The following SAP130 variants were observed in gnomAD, a reference collection of about 807,000 sequenced individuals.
SAP130 encodes histone deacetylase complex subunit SAP130.
A neutral mutation model predicts 103.2 loss-of-function variants in SAP130; 16 were observed. That is an observed-to-expected ratio of 0.16 (90% CI 0.10 to 0.24). The LOEUF is 0.24. SAP130 is among the 10% of genes least tolerant of loss of function. The pLI, the probability that SAP130 is intolerant of heterozygous loss-of-function variation, is 1.00. For synonymous variants in SAP130, 477 were observed against 497.0 expected, an observed-to-expected ratio of 0.96 and a Z score of 0.53; for missense variants, 990 against 1,359.7, an observed-to-expected ratio of 0.73 and a Z score of 4.28.
intron 15 of SAP130, 46 bp downstream of exon 15, chr2:127,977,939 G>A (rs768496075): frequency 1.5e-6 from 2 of 1,363,372 alleles, no homozygotes; most frequent in Middle Eastern, 1.8e-4. Context: ...CAACTGCAAC[G>A]ATGTGTGGGT....
Position 128,015,695 on chromosome 2 carries a change from A to G in SAP130, c.507+694T>C, listed in dbSNP as rs1302882114. On this transcript the variant is annotated intron_variant, in intron 4 of 20. Coordinates refer to ENST00000643581, the MANE Select transcript of SAP130 (RefSeq NM_001330301.2). ...GGTGGCTCATGCCTGTAATCCCAGC[A>G]CTTTGGGAGGCCGAGGCGGGCAGAT... Among the ~76,000 whole-genome samples, 4 of 152,178 alleles carry G rather than the reference A, an allele frequency of 2.6e-5. No individual in the cohort carries two copies. In the South Asian group the frequency reaches 6.2e-4, roughly 24 times the overall value.
intron 7 of SAP130, among the ~76,000 whole-genome samples, chr2:128,005,408 GGAGTTC>G: frequency 1.3e-5 from 2 of 152,072 alleles, no homozygotes; most frequent in Non-Finnish European, 2.9e-5. Flanking sequence ...CCTGAGGTCA[GGAGTTC>G]GAGACCAGCC....
intron 7 of SAP130, 142 bp from the exon 8 acceptor site, chr2:128,000,596 G>T: frequency 2.3e-6 from 2 of 864,310 alleles, no homozygotes; most frequent in Non-Finnish European, 3.5e-6. Context: ...ACACCAATGT[G>T]GCAAAAGGTG....
intron 15 of SAP130, among the ~76,000 whole-genome samples, chr2:127,967,470 G>C (rs1021693005): frequency 6.6e-6 from 1 of 152,248 alleles, no homozygotes; most frequent in Non-Finnish European, 1.5e-5. Context: ...CGCAGTCTCA[G>C]CTCATGGCAA....
intron 19 of SAP130, among the ~76,000 whole-genome samples, chr2:127,943,708 C>T (rs764930406): frequency 1.3e-5 from 2 of 152,150 alleles, no homozygotes; most frequent in Non-Finnish European, 2.9e-5. Context: ...ATGCAGTCTA[C>T]CAGGACTGTT....
chr2:127,941,976 T>A lies in SAP130; in HGVS notation c.*30A>T. On this transcript the variant is annotated 3_prime_UTR_variant, in exon 21 of 21. Coordinates refer to ENST00000643581, the MANE Select transcript of SAP130 (RefSeq NM_001330301.2). ...CACCCCCACCATCATTCTTCATAAA[T>A]TTGCTTCCAATCTCCTGATTGTTCT... The A allele has an allele frequency of 2.2e-6, 2 of 900,416 alleles. No individual in the cohort carries two copies. Among genetic ancestry groups the A allele is most frequent in the Non-Finnish European group, 1.5e-6 (1 of 678,618 alleles). The allele number at this position is 900,416 out of a possible 1,614,324, so 55.8% of individuals were successfully genotyped here.
At chr2:127,962,589 G>T (rs1488782228) in intron 15 of SAP130, among the ~76,000 whole-genome samples, 2 of 152,132 alleles carry the variant, frequency 1.3e-5, no homozygotes, top group Non-Finnish European at 2.9e-5. Context: ...GGACATGGAT[G>T]AAACTGGAAA....
At chr2:127,949,799 T>C in intron 18 of SAP130, 70 bp downstream of exon 18, 1 of 1,510,480 alleles carries the variant, frequency 6.6e-7, no homozygotes, top group Non-Finnish European at 9.0e-7. Context: ...GGTTCTGTTT[T>C]TCTCTTCTAT....
At position 127,942,253 on chromosome 2, in the gene SAP130, T is replaced by C; in HGVS notation, c.3016-89A>G. 1.5e-6 allele frequency: 2 copies of C among 1,313,422 alleles called. No individual in the cohort carries two copies. Among genetic ancestry groups the C allele is most frequent in the South Asian group, 2.8e-5 (2 of 71,664 alleles). The allele number at this position is 1,313,422 out of a possible 1,614,324, so 81.4% of individuals were successfully genotyped here. On this transcript the variant is annotated intron_variant, in intron 20 of 20. Coordinates refer to ENST00000643581, the MANE Select transcript of SAP130 (RefSeq NM_001330301.2). The surrounding 1 kb of genome is among the most constrained non-coding windows in gnomAD (Gnocchi z 4.8). ...TGCTTGCCTTTGGGCAGAGGCCATGTTGAGGCTTCCACAACAGAGAAAATG... is the reference window on the plus strand; with the variant it reads ...TGCTTGCCTTTGGGCAGAGGCCATGCTGAGGCTTCCACAACAGAGAAAATG...
At position 127,950,359 on chromosome 2, in the gene SAP130, C is replaced by T; in HGVS notation, c.2472G>A (p.Leu824=). 6.2e-7 allele frequency: 1 copy of T among 1,614,192 alleles called. No individual in the cohort carries two copies. Among genetic ancestry groups the T allele is most frequent in the Non-Finnish European group, 8.5e-7 (1 of 1,180,026 alleles). ...TTGTAGGCATGGACAAGTTGTTTGC[C>T]AGCAATGCAAGAGATGGAGACACAG... is the stretch of plus-strand genomic sequence containing the variant. ...TNTVSPSLAL[L]ANNLSMPTSD... Residue 824 remains leucine, a synonymous_variant, in exon 17 of 21, where the codon CTG becomes CTA. Transcript: ENST00000643581.
chr2:128,000,218 C>A (rs1683456376), intron 8 of SAP130, 72 bp from the exon 9 acceptor site: 2 of 1,607,176 alleles, frequency 1.2e-6, no homozygotes, highest in Non-Finnish European at 1.7e-6. Context: ...CAATCAATGC[C>A]TTCGGTATCA....
Position 127,955,410 on chromosome 2 carries a change from A to C in SAP130, c.2064-66T>G. 2.7e-5 allele frequency: 26 copies of C among 959,354 alleles called. No homozygotes were observed. Among genetic ancestry groups the C allele is most frequent in the Non-Finnish European group, 3.8e-5 (24 of 627,824 alleles). 59.4% of individuals were successfully genotyped at this position (959,354 alleles called of 1,614,324 possible). A position where few individuals can be genotyped will look rare whatever the true frequency, so the allele number is the denominator to read the frequency against. On this transcript the variant is annotated intron_variant, in intron 15 of 20. Coordinates refer to ENST00000643581, the MANE Select transcript of SAP130 (RefSeq NM_001330301.2). The surrounding 1 kb of genome is among the most constrained non-coding windows in gnomAD (Gnocchi z 4.9). ...AAACTGCCTTCATCTACAACATCTC[A>C]GAGGATGAGTATTTGTCCAATTATT...
At chr2:127,944,470 C>T (rs372218032) in intron 19 of SAP130, among the ~76,000 whole-genome samples, 13 of 151,792 alleles carry the variant, frequency 8.6e-5, no homozygotes, top group African/African-American at 3.1e-4. Context: ...TGCTCTTTCG[C>T]CCAGGCTTGA....
intron 15 of SAP130, among the ~76,000 whole-genome samples, chr2:127,974,500 C>T (rs1049866806): frequency 7.9e-5 from 12 of 152,114 alleles, no homozygotes; most frequent in Admixed American, 2.6e-4. Context: ...GGACCATACA[C>T]ATGACAGTGG....
intron 14 of SAP130, among the ~76,000 whole-genome samples, chr2:127,980,936 T>C (rs1681823656): frequency 6.6e-6 from 1 of 151,688 alleles, no homozygotes. Context: ...ATAATGCAGA[T>C]GAATTACATA....
chr2:127,968,407 G>A (rs1272355750), intron 15 of SAP130, among the ~76,000 whole-genome samples: 2 of 149,786 alleles, frequency 1.3e-5, no homozygotes, highest in African/African-American at 4.9e-5. Context: ...CACCATGCCC[G>A]GAGTTGGTTT....
intron 1 of SAP130, 115 bp downstream of exon 1, chr2:128,027,825 A>G: frequency 7.4e-6 from 5 of 677,800 alleles, no homozygotes; most frequent in Non-Finnish European, 9.1e-6. Flanking sequence ...GCAGGAGACG[A>G]GGATCCTCTG....
At chr2:127,959,289 A>C (rs1282976959) in intron 15 of SAP130, among the ~76,000 whole-genome samples, 1 of 152,180 alleles carries the variant, frequency 6.6e-6, no homozygotes, top group Admixed American at 6.5e-5. Flanking sequence ...GTCCCAAGAA[A>C]AGCCTACTCT....
At chr2:127,963,682 A>G (rs1680426753) in intron 15 of SAP130, among the ~76,000 whole-genome samples, 1 of 152,192 alleles carries the variant, frequency 6.6e-6, no homozygotes, top group Non-Finnish European at 1.5e-5. Flanking sequence ...GAGATGACTG[A>G]ATCACGGGGG....
Sources: allele counts gnomAD v4.1 joint callset (sites outside exome capture counted in the v4.1 genomes callset), GRCh38; gene constraint gnomAD v4.1.1; non-coding constraint Gnocchi (gnomAD v3.1); transcripts MANE v1.5; gene names NCBI Gene and HGNC (gene_info 2026-07-23, HGNC 2026-07-21).